Variants in METTL9 observed in about 807,000 individuals in gnomAD.
The protein encoded by METTL9 is protein-L-histidine N-pros-methyltransferase.
In METTL9, 10 loss-of-function variants were observed where a neutral mutation model predicts 36.0. The ratio of observed to expected loss-of-function variants is 0.28; its 90% CI spans 0.17 to 0.47. The LOEUF is 0.47. METTL9 is among the 20% of genes least tolerant of loss of function. The pLI, the probability that METTL9 is intolerant of heterozygous loss-of-function variation, is 0.99. For synonymous variants in METTL9, 175 were observed against 149.7 expected (o/e 1.17, Z -1.23); for missense variants, 246 against 383.5 (o/e 0.64, Z 3.00).
chr16:21,631,785 G>A (rs1164668451), intron 4 of METTL9, among the ~76,000 whole-genome samples: 1 of 152,206 alleles, frequency 6.6e-6, no homozygotes, highest in Non-Finnish European at 1.5e-5. Flanking sequence ...TGACAACAAG[G>A]TGGTATTGGA....
At chr16:21,650,010 C>T (rs1057347531) in intron 4 of METTL9, among the ~76,000 whole-genome samples, 9 of 152,192 alleles carry the variant, frequency 5.9e-5, no homozygotes, top group East Asian at 5.8e-4. Context: ...AAGAGCCAGG[C>T]GTGGTGGTGT....
intron 2 of METTL9, among the ~76,000 whole-genome samples, chr16:21,615,743 C>T (rs1965539667): frequency 1.3e-5 from 2 of 152,202 alleles, no homozygotes; most frequent in South Asian, 4.1e-4. Context: ...TGAAATTCGC[C>T]TCCCCTCAGC....
chr16:21,614,122 G>A (rs557008508), intron 2 of METTL9, among the ~76,000 whole-genome samples: 1 of 152,060 alleles, frequency 6.6e-6, no homozygotes, highest in African/African-American at 2.4e-5. Flanking sequence ...ATTGCCATAC[G>A]TTTGCTTTGG....
At chr16:21,619,587 A>ATTTTTTTTTTTTTTTTTTTTT (rs35728063) in intron 3 of METTL9, among the ~76,000 whole-genome samples, 2 of 124,224 alleles carry the variant, frequency 1.6e-5, no homozygotes, top group Non-Finnish European at 1.7e-5. Context: ...TGCCCGGCTA[A>ATTTTTTTTTTTTTTTTTTTTT]TTTTTTTTTT....
intron 4 of METTL9, among the ~76,000 whole-genome samples, chr16:21,630,004 G>A (rs1008980738): frequency 4.6e-5 from 7 of 152,314 alleles, no homozygotes; most frequent in Non-Finnish European, 5.9e-5. Flanking sequence ...TGACTGGTGC[G>A]TTTACAAACC....
At chr16:21,643,451 T>C in intron 4 of METTL9, 1 of 791,780 alleles carries the variant, frequency 1.3e-6, no homozygotes. Context: ...TGTTTAAACT[T>C]AACATTTAAA....
intron 4 of METTL9, among the ~76,000 whole-genome samples, chr16:21,638,567 G>C (rs1380822130): frequency 6.6e-6 from 1 of 152,186 alleles, no homozygotes; most frequent in Non-Finnish European, 1.5e-5. Flanking sequence ...AAAGATAAAT[G>C]AGAATCACGC....
rs1268107069 is a variant in METTL9 at position 21,656,831 on chromosome 16, A to G, written c.*1399A>G. Reference sequence around the variant, plus strand: ...ACTGCATTCCCACATCCTCACACCAATATCTTCCACTGTTACTGTGCAGTC... The same window carrying G: ...ACTGCATTCCCACATCCTCACACCAGTATCTTCCACTGTTACTGTGCAGTC... On this transcript the variant is annotated 3_prime_UTR_variant, in exon 5 of 5. Transcript: ENST00000358154. The G allele has an allele frequency of 6.6e-6, 1 of 152,110 alleles. No individual in the cohort carries two copies. The highest frequency in any genetic ancestry group is 1.5e-5 in the Non-Finnish European group (1 of 68,022). The allele number at this position is 152,110 out of a possible 1,614,324, so 9.4% of individuals were successfully genotyped here.
At chr16:21,632,860 A>G (rs955536783) in intron 4 of METTL9, among the ~76,000 whole-genome samples, 16 of 152,246 alleles carry the variant, frequency 1.1e-4, no homozygotes, top group Non-Finnish European at 1.9e-4. Flanking sequence ...CACAAGTCTG[A>G]GTAAGGACTC....
chr16:21,656,333 T>C lies in METTL9; in HGVS notation c.*901T>C, dbSNP rs1597795496. 1 of 152,124 alleles carries C rather than the reference T, an allele frequency of 6.6e-6. No individual in the cohort carries two copies. Among genetic ancestry groups the C allele is most frequent in the Non-Finnish European group, 1.5e-5 (1 of 68,014 alleles). The allele number at this position is 152,124 out of a possible 1,614,324, so 9.4% of individuals were successfully genotyped here. A position where few individuals can be genotyped will look rare whatever the true frequency, so the allele number is the denominator to read the frequency against. On this transcript the variant is annotated 3_prime_UTR_variant, in exon 5 of 5. Transcript: ENST00000358154. The stretch of plus-strand genomic sequence containing the variant: ...CATTCAGTTTTGTCTACTGACAAAA[T>C]GCAACTAAAAATGTTTTAATTCAAC...
At chr16:21,634,753 T>C (rs1201607428) in intron 4 of METTL9, among the ~76,000 whole-genome samples, 1 of 152,126 alleles carries the variant, frequency 6.6e-6, no homozygotes, top group Non-Finnish European at 1.5e-5. Context: ...CCTTGAGTGA[T>C]TTGGGCGACG....
intron 2 of METTL9, among the ~76,000 whole-genome samples, chr16:21,615,490 A>C (rs1199052345): frequency 6.6e-6 from 1 of 152,024 alleles, no homozygotes; most frequent in East Asian, 1.9e-4. Context: ...CGGCCTCCCA[A>C]AATGCTGGGA....
At chr16:21,647,516 GGTT>G (rs780824615) in intron 4 of METTL9, 1 of 1,587,380 alleles carries the variant, frequency 6.3e-7, no homozygotes, top group East Asian at 2.3e-5. Context: ...CAGATGAGTG[GGTT>G]AATGGGCCTG....
At chr16:21,637,096 G>A (rs1966118459) in intron 4 of METTL9, among the ~76,000 whole-genome samples, 1 of 152,134 alleles carries the variant, frequency 6.6e-6, no homozygotes, top group South Asian at 2.1e-4. Flanking sequence ...AAAAAACAAA[G>A]CTTCCACAGT....
chr16:21,641,844 C>T (rs1966280515), intron 4 of METTL9, among the ~76,000 whole-genome samples: 1 of 152,042 alleles, frequency 6.6e-6, no homozygotes, highest in Admixed American at 6.5e-5. Flanking sequence ...ATTCTCACTT[C>T]TAAGACTGCT....
chr16:21,643,171 GA>G (rs760770473), intron 4 of METTL9: 79 of 1,563,608 alleles, frequency 5.1e-5, no homozygotes, highest in Middle Eastern at 1.7e-4. Flanking sequence ...AGACAAATGA[GA>G]AAAAAAAATT....
intron 4 of METTL9, among the ~76,000 whole-genome samples, chr16:21,636,826 C>A (rs189771753): frequency 1.6e-4 from 25 of 152,258 alleles, no homozygotes; most frequent in Non-Finnish European, 3.4e-4. Flanking sequence ...ATTTAGCCCC[C>A]GAACTCTAAG....
intron 2 of METTL9, among the ~76,000 whole-genome samples, 188 bp downstream of exon 2, chr16:21,613,023 GTGACAGCCTCATTAGTA>G (rs1287048549): frequency 1.5e-4 from 23 of 151,954 alleles, no homozygotes; most frequent in Non-Finnish European, 2.9e-4. Context: ...TCACCATAAC[GTGACAGCCTCATTAGTA>G]TGTTTATTCA....
chr16:21,632,348 T>TG (rs1306886045), intron 4 of METTL9, among the ~76,000 whole-genome samples: 1 of 152,230 alleles, frequency 6.6e-6, no homozygotes, highest in Non-Finnish European at 1.5e-5. Context: ...CACTGGTCCC[T>TG]GGGGGAAGAG....
Sources: allele counts gnomAD v4.1 joint callset (sites outside exome capture counted in the v4.1 genomes callset), GRCh38; gene constraint gnomAD v4.1.1; transcripts MANE v1.5; gene names NCBI Gene and HGNC (gene_info 2026-07-23, HGNC 2026-07-21).